JMJD1C: variants seen among roughly 807,000 people sequenced by gnomAD.
The protein encoded by JMJD1C is jumonji domain-containing protein 1C.
A neutral mutation model predicts 245.3 loss-of-function variants in JMJD1C; 31 were observed. The ratio of observed to expected loss-of-function variants is 0.13; its 90% confidence interval spans 0.09 to 0.17. The LOEUF (loss-of-function observed/expected upper bound fraction) is 0.17. Ranked by LOEUF, JMJD1C falls within the 10% of genes least tolerant of loss-of-function variation. The pLI is 1.00. For missense variants in JMJD1C, 2,691 were observed against 3,000.2 expected (o/e 0.90, Z 2.41); for synonymous variants, 1,057 against 1,017.4 (o/e 1.04, Z -0.74).
intron 3 of JMJD1C, chr10:63,222,454 T>G: frequency 1.0e-6 from 1 of 960,026 alleles, no homozygotes; most frequent in East Asian, 2.4e-5. Flanking sequence ...TAAATCTTGA[T>G]GAAAACAATA....
intron 22 of JMJD1C, among the ~76,000 whole-genome samples, chr10:63,181,377 T>TA (rs1843457407): frequency 6.6e-6 from 1 of 152,176 alleles, no homozygotes; most frequent in Non-Finnish European, 1.5e-5. Context: ...TAGAGCATAG[T>TA]AAGTTTACTT....
At chr10:63,291,953 A>G (rs1858786411) in intron 2 of JMJD1C, among the ~76,000 whole-genome samples, 1 of 151,624 alleles carries the variant, frequency 6.6e-6, no homozygotes, top group South Asian at 2.1e-4. Flanking sequence ...TGTGTGTTGT[A>G]TGTGTGTGTG....
At chr10:63,305,599 T>G (rs1938052796) in intron 2 of JMJD1C, among the ~76,000 whole-genome samples, 2 of 142,896 alleles carry the variant, frequency 1.4e-5, no homozygotes, top group Admixed American at 7.3e-5. Context: ...CCCAAGTAGC[T>G]GGGACTACGG....
intron 2 of JMJD1C, among the ~76,000 whole-genome samples, chr10:63,292,119 T>C (rs1469509834): frequency 1.4e-5 from 2 of 142,996 alleles, no homozygotes; most frequent in Non-Finnish European, 3.1e-5. Context: ...ATCTGACTAA[T>C]TTTTTTTAGT....
At chr10:63,392,562 C>G (rs1213790435) in intron 1 of JMJD1C, among the ~76,000 whole-genome samples, 3 of 152,028 alleles carry the variant, frequency 2.0e-5, no homozygotes, top group Non-Finnish European at 4.4e-5. Context: ...CATGGTGGCT[C>G]ATGCCTGTAA....
intron 24 of JMJD1C, among the ~76,000 whole-genome samples, chr10:63,172,845 T>C (rs979521899): frequency 6.8e-5 from 10 of 146,280 alleles, no homozygotes; most frequent in Admixed American, 3.4e-4. Flanking sequence ...ATACTTGGTG[T>C]GTGTGAAAGA....
chr10:63,320,653 T>A (rs1454860133), intron 2 of JMJD1C, among the ~76,000 whole-genome samples: 2 of 152,252 alleles, frequency 1.3e-5, no homozygotes, highest in Non-Finnish European at 2.9e-5. Context: ...ACTATTGTGA[T>A]AACATGAAAT....
chr10:63,514,038 A>G (rs1219224033), intron 1 of JMJD1C, among the ~76,000 whole-genome samples: 1 of 152,244 alleles, frequency 6.6e-6, no homozygotes, highest in Non-Finnish European at 1.5e-5. Context: ...GAGGCTCAAC[A>G]TCACTAATTA....
At chr10:63,473,785 G>T (rs1305465830) in intron 1 of JMJD1C, among the ~76,000 whole-genome samples, 1 of 151,884 alleles carries the variant, frequency 6.6e-6, no homozygotes, top group Non-Finnish European at 1.5e-5. Flanking sequence ...GCTCACACCT[G>T]TAATTCCAGC....
intron 3 of JMJD1C, among the ~76,000 whole-genome samples, chr10:63,241,998 C>G (rs1228206297): frequency 6.6e-6 from 1 of 152,136 alleles, no homozygotes; most frequent in Non-Finnish European, 1.5e-5. Flanking sequence ...GGGGTTCCTG[C>G]TTATAACCTC....
chr10:63,191,800 C>T (rs1374268211), intron 16 of JMJD1C, among the ~76,000 whole-genome samples: 1 of 151,674 alleles, frequency 6.6e-6, no homozygotes, highest in Non-Finnish European at 1.5e-5. Flanking sequence ...ACCTGGCCAA[C>T]ATGCTGAAAC....
intron 1 of JMJD1C, among the ~76,000 whole-genome samples, chr10:63,475,925 T>C (rs976928403): frequency 5.3e-5 from 8 of 152,282 alleles, no homozygotes; most frequent in East Asian, 1.9e-4. Context: ...AAGTTGATAA[T>C]GGGCTGGTAG....
intron 1 of JMJD1C, among the ~76,000 whole-genome samples, chr10:63,495,634 G>A (rs1334185668): frequency 6.6e-6 from 1 of 151,802 alleles, no homozygotes; most frequent in African/African-American, 2.4e-5. Context: ...TTACTGGGGT[G>A]TGGTGGCAGG....
intron 18 of JMJD1C, 94 bp downstream of exon 18, chr10:63,189,074 T>C (rs1465219594): frequency 1.3e-5 from 14 of 1,041,656 alleles, no homozygotes; most frequent in East Asian, 4.9e-5. Flanking sequence ...CCACTATTTT[T>C]CCCCCCTCCA....
intron 16 of JMJD1C, 36 bp downstream of exon 16, chr10:63,192,902 C>T (rs549297646): frequency 2.1e-6 from 3 of 1,440,092 alleles, no homozygotes; most frequent in African/African-American, 1.4e-5. Flanking sequence ...ATACTATACT[C>T]CTCTCACACA....
At chr10:63,219,809 T>A (rs905523160) in intron 4 of JMJD1C, 69 bp downstream of exon 4, 2 of 1,066,142 alleles carry the variant, frequency 1.9e-6, no homozygotes, top group East Asian at 4.8e-5. Flanking sequence ...CACAATTGAA[T>A]AACCAAAAAC....
chr10:63,476,278 T>A (rs1031925970), intron 1 of JMJD1C, among the ~76,000 whole-genome samples: 2 of 149,450 alleles, frequency 1.3e-5, no homozygotes, highest in Non-Finnish European at 3.0e-5. Context: ...ATAAAGTTGA[T>A]AATGCACTGA....
In JMJD1C at chr10:63,340,078, A is replaced by C. The variant is rs552511258; in HGVS notation, c.333+40240T>G. Among the ~76,000 whole-genome samples the C allele has an allele frequency of 2.0e-5, 3 of 152,288 alleles. No homozygotes were observed. The South Asian group carries it at 6.2e-4, about 32-fold the overall frequency. ...TCATTTCAATAAATAAATAATAAGT[A>C]AATTACACATATATAGGTTGGGCAT... On this transcript the variant is annotated intron_variant, in intron 2 of 25. Coordinates refer to ENST00000399262, the MANE Select transcript of JMJD1C (RefSeq NM_032776.3).
chr10:63,263,514 C>G (rs1165804705), intron 3 of JMJD1C, among the ~76,000 whole-genome samples: 1 of 152,150 alleles, frequency 6.6e-6, no homozygotes, highest in African/African-American at 2.4e-5. Flanking sequence ...ACTTTTTACT[C>G]CATTAGAAAA....
Sources: gnomAD v4.1 joint callset for allele counts (sites outside exome capture counted in the v4.1 genomes callset) on GRCh38, gnomAD v4.1.1 for gene constraint, MANE v1.5 for transcripts, NCBI Gene and HGNC (gene_info 2026-07-23, HGNC 2026-07-21) for gene names.